ST3GAL6: variants seen among roughly 807,000 people sequenced by gnomAD.
The protein encoded by ST3GAL6 is type 2 lactosamine alpha-2,3-sialyltransferase.
Under a neutral mutation model 40.5 loss-of-function variants are expected in ST3GAL6, and 31 were observed. That is an observed-to-expected ratio of 0.77 (90% CI 0.58 to 1.03). The LOEUF (loss-of-function observed/expected upper bound fraction) is 1.03, where lower values mean the gene tolerates loss of function less well. ST3GAL6 is among the 50% of genes least tolerant of loss of function. The pLI is 0.00. For missense variants in ST3GAL6, 357 were observed against 393.2 expected (o/e 0.91, Z 0.78); for synonymous variants, 129 against 136.9 (o/e 0.94, Z 0.40).
intron 1 of ST3GAL6, among the ~76,000 whole-genome samples, chr3:98,752,621 G>A (rs914033660): frequency 5.3e-5 from 8 of 152,044 alleles, no homozygotes; most frequent in East Asian, 3.9e-4. Flanking sequence ...ACAGGCACCC[G>A]CCACCATGCC....
At chr3:98,780,768 T>C (rs1940023495) in intron 5 of ST3GAL6, among the ~76,000 whole-genome samples, 1 of 152,194 alleles carries the variant, frequency 6.6e-6, no homozygotes, top group Admixed American at 6.5e-5. Context: ...ATATGACAGA[T>C]GGTAGCTACT....
intron 1 of ST3GAL6, among the ~76,000 whole-genome samples, chr3:98,763,939 ACT>A (rs766886893): frequency 1.1e-4 from 17 of 151,876 alleles, no homozygotes; most frequent in Admixed American, 5.9e-4. Context: ...GGCTCCTCAG[ACT>A]CTCTTTCTGT....
chr3:98,746,459 T>C (rs148380819), intron 1 of ST3GAL6, among the ~76,000 whole-genome samples: 31 of 152,236 alleles, frequency 2.0e-4, no homozygotes, highest in African/African-American at 7.5e-4. Context: ...TAGAAGATAC[T>C]TTTCTTCTCC....
chr3:98,745,295 A>C (rs1479542121), intron 1 of ST3GAL6, among the ~76,000 whole-genome samples: 2 of 152,120 alleles, frequency 1.3e-5, no homozygotes, highest in Non-Finnish European at 2.9e-5. Flanking sequence ...TGACCTCCCA[A>C]AGTCCTAGGA....
At chr3:98,788,286 A>G in intron 7 of ST3GAL6, 40 bp from the exon 8 acceptor site, 37 of 1,587,288 alleles carry the variant, frequency 2.3e-5, no homozygotes, top group Non-Finnish European at 3.2e-5. Context: ...TAAAAAACAG[A>G]CAGCCACACT....
intron 9 of ST3GAL6, among the ~76,000 whole-genome samples, chr3:98,792,911 T>A (rs1486920385): frequency 1.3e-5 from 2 of 152,174 alleles, no homozygotes; most frequent in African/African-American, 2.4e-5. Flanking sequence ...GGGATTAAAA[T>A]GTTATCTGTA....
In ST3GAL6 at chr3:98,732,817, G is replaced by A. The variant is rs1004132739; in HGVS notation, c.-12+285G>A. 5.2e-5 allele frequency: 77 copies of A among 1,481,514 alleles called. 1 individual carries two copies. The highest frequency in any genetic ancestry group is 6.8e-5 in the Non-Finnish European group (76 of 1,119,622). The allele number at this position is 1,481,514 out of a possible 1,614,324, so 91.8% of individuals were successfully genotyped here. On this transcript the variant is annotated intron_variant, in intron 1 of 9. Transcript: ENST00000265261. The stretch of plus-strand genomic sequence containing the variant: ...ATCGTGCCCGCGCCGCCCCTGGCCC[G>A]CGCCACCTTCCTTTGGTTTCTGCCG...
intron 1 of ST3GAL6, among the ~76,000 whole-genome samples, chr3:98,737,731 A>G (rs1470824638): frequency 6.6e-6 from 1 of 152,248 alleles, no homozygotes; most frequent in Non-Finnish European, 1.5e-5. Context: ...AAAACCTGAA[A>G]CCTCAGGAGA....
chr3:98,744,080 A>T (rs1005199157), intron 1 of ST3GAL6, among the ~76,000 whole-genome samples: 1 of 152,166 alleles, frequency 6.6e-6, no homozygotes, highest in African/African-American at 2.4e-5. Flanking sequence ...ACGGGAAAAC[A>T]CCACGTGAAG....
chr3:98,783,456 A>G, intron 5 of ST3GAL6: 3 of 678,174 alleles, frequency 4.4e-6, no homozygotes, highest in Non-Finnish European at 5.5e-6. Context: ...AACACTGTGT[A>G]CCTTCCTCCC....
At position 98,794,478 on chromosome 3, in the gene ST3GAL6, A is replaced by G. The variant is rs892911792; in HGVS notation, c.*717A>G. 2 of 152,224 alleles carry G rather than the reference A, an allele frequency of 1.3e-5. No individual in the cohort carries two copies. The highest frequency in any genetic ancestry group is 6.5e-5 in the Admixed American group (1 of 15,284). 9.4% of individuals were successfully genotyped at this position (152,224 alleles called of 1,614,324 possible). A position where few individuals can be genotyped will look rare whatever the true frequency, so the allele number is the denominator to read the frequency against. On this transcript the variant is annotated 3_prime_UTR_variant, in exon 10 of 10. Transcript: ENST00000483910. ...GCTAGGCAAGCTCAAGAAGGAAAAA[A>G]AAATCTTGAACATTATTTTTTTTTG...
chr3:98,734,361 A>T (rs937826996), intron 1 of ST3GAL6, among the ~76,000 whole-genome samples: 1 of 152,134 alleles, frequency 6.6e-6, no homozygotes, highest in African/African-American at 2.4e-5. Flanking sequence ...ACTGTTATTT[A>T]GTTTATTGTC....
intron 1 of ST3GAL6, among the ~76,000 whole-genome samples, chr3:98,736,662 A>G (rs1000180354): frequency 6.6e-5 from 10 of 152,188 alleles, no homozygotes; most frequent in Non-Finnish European, 1.3e-4. Context: ...TGGTCAACCA[A>G]CATTCACTGA....
intron 1 of ST3GAL6, among the ~76,000 whole-genome samples, chr3:98,755,673 T>C (rs1409487227): frequency 6.6e-6 from 1 of 152,200 alleles, no homozygotes; most frequent in Non-Finnish European, 1.5e-5. Context: ...TGTTCTTTTA[T>C]AGCACACAGG....
chr3:98,774,012 G>A, intron 5 of ST3GAL6, 29 bp downstream of exon 5: 1 of 1,561,286 alleles, frequency 6.4e-7, no homozygotes. Flanking sequence ...TTCTAGTCTG[G>A]CTTTTAGCTT....
chr3:98,785,882 A>G (rs1216279289), intron 6 of ST3GAL6, among the ~76,000 whole-genome samples: 7 of 152,214 alleles, frequency 4.6e-5, no homozygotes, highest in Admixed American at 4.6e-4. Flanking sequence ...AGGAAGAGAT[A>G]TGTGGACTGA....
In ST3GAL6 at chr3:98,791,891, C is replaced by A; in HGVS notation, c.807C>A (p.Tyr269Ter). 1 of 1,614,022 alleles carries A rather than the reference C, an allele frequency of 6.2e-7. No homozygotes were observed. Among genetic ancestry groups the A allele is most frequent in the Non-Finnish European group, 8.5e-7 (1 of 1,179,902 alleles). ...TTATTGCCATCACATTGGCGTTTTA[C>A]ATATGTCACGAAGTTCACCTAGCTG... ...TGIIAITLAFYICHEVHLAGF... is the reference protein window; with the variant it reads ...TGIIAITLAF The change falls in exon 9 of 10, where the codon TAC (tyrosine) becomes TAA (stop). Residue 269 changes from tyrosine to a stop codon, truncating the protein, a stop_gained. Transcript: ENST00000483910. LOFTEE classifies it high-confidence loss of function.
chr3:98,778,784 A>G (rs922261527), intron 5 of ST3GAL6, among the ~76,000 whole-genome samples: 4 of 152,218 alleles, frequency 2.6e-5, no homozygotes, highest in Non-Finnish European at 4.4e-5. Context: ...CAGGTCTCCA[A>G]CTACAGTTCC....
At chr3:98,762,336 G>A (rs1396850368), upstream of ST3GAL6, among the ~76,000 whole-genome samples, 1 of 152,132 alleles carries the variant, frequency 6.6e-6, no homozygotes, top group Non-Finnish European at 1.5e-5. Flanking sequence ...TTTTTGGAGG[G>A]GGGCATAAAT....
Sources: allele counts gnomAD v4.1 joint callset (sites outside exome capture counted in the v4.1 genomes callset), GRCh38; gene constraint gnomAD v4.1.1; transcripts MANE v1.5; gene names NCBI Gene and HGNC (gene_info 2026-07-23, HGNC 2026-07-21).